FGF10: variants seen among roughly 807,000 people sequenced by gnomAD.
FGF10 encodes fibroblast growth factor 10.
Under a neutral mutation model 19.8 loss-of-function variants are expected in FGF10, and 2 were observed. The observed-to-expected ratio is 0.10, with a 90% confidence interval of 0.04 to 0.32. The LOEUF (loss-of-function observed/expected upper bound fraction) is 0.32. Among genes scored for constraint, FGF10 ranks in the 10% least tolerant of loss-of-function variants. The pLI is 1.00. For synonymous variants in FGF10, 112 were observed against 94.0 expected (o/e 1.19, Z -1.10); for missense variants, 191 against 246.3 (o/e 0.78, Z 1.50).
chr5:44,377,402 TTTAA>T (rs1741890535), intron 1 of FGF10, among the ~76,000 whole-genome samples: 1 of 152,206 alleles, frequency 6.6e-6, no homozygotes, highest in Admixed American at 6.5e-5. Context: ...AACTACCAAG[TTTAA>T]TAAGAACTAA....
chr5:44,357,541 G>C (rs2111842991), intron 1 of FGF10, among the ~76,000 whole-genome samples: 1 of 151,598 alleles, frequency 6.6e-6, no homozygotes, highest in South Asian at 2.1e-4. Flanking sequence ...GGTACAATTA[G>C]TATCCCTGTT....
chr5:44,308,721 G>A (rs1740142329), intron 2 of FGF10, among the ~76,000 whole-genome samples: 1 of 152,056 alleles, frequency 6.6e-6, no homozygotes. Context: ...TAGTCCCAGG[G>A]ACCAACTCAA....
chr5:44,321,424 TG>T (rs1377096738), intron 1 of FGF10, among the ~76,000 whole-genome samples: 1 of 152,204 alleles, frequency 6.6e-6, no homozygotes, highest in Non-Finnish European at 1.5e-5. Flanking sequence ...GCACTTTTGT[TG>T]GCAATCAACA....
chr5:44,348,731 A>G (rs553521351), intron 1 of FGF10, among the ~76,000 whole-genome samples: 1 of 151,748 alleles, frequency 6.6e-6, no homozygotes, highest in African/African-American at 2.4e-5. Flanking sequence ...ATTTATAAAA[A>G]GAATCTGTTA....
At chr5:44,363,855 T>C (rs1204255995) in intron 1 of FGF10, among the ~76,000 whole-genome samples, 4 of 151,890 alleles carry the variant, frequency 2.6e-5, no homozygotes, top group South Asian at 2.1e-4. Flanking sequence ...TTTTCCTTCA[T>C]AGTTGATATC....
At chr5:44,347,341 T>A (rs1741110666) in intron 1 of FGF10, among the ~76,000 whole-genome samples, 1 of 151,644 alleles carries the variant, frequency 6.6e-6, no homozygotes, top group African/African-American at 2.4e-5. Context: ...CCTAAAACAC[T>A]TTGGTTTTTA....
At chr5:44,328,757 G>A (rs1381139481) in intron 1 of FGF10, among the ~76,000 whole-genome samples, 3 of 152,132 alleles carry the variant, frequency 2.0e-5, no homozygotes, top group African/African-American at 7.2e-5. Context: ...GCAGCAACGT[G>A]GATGGAACAG....
chr5:44,351,767 A>G (rs1055920830), intron 1 of FGF10, among the ~76,000 whole-genome samples: 2 of 151,664 alleles, frequency 1.3e-5, no homozygotes, highest in Non-Finnish European at 3.0e-5. Context: ...ATAAATTTGG[A>G]GAGATGGAGT....
rs1430510411 is a variant in FGF10, at chr5:44,301,280, A to G, written c.*3715T>C. 6.6e-6 allele frequency among the ~76,000 whole-genome samples: 1 copy of G among 152,130 alleles called. No homozygotes were observed. On this transcript the variant is annotated 3_prime_UTR_variant, in exon 3 of 3. Coordinates refer to ENST00000264664, the MANE Select transcript of FGF10 (RefSeq NM_004465.2). ...AAGCTACATATATAACTTTATTTAG[A>G]CAAAGTTTGGACCAGCTGAACCCTT...
At chr5:44,334,228 A>C (rs925275250) in intron 1 of FGF10, among the ~76,000 whole-genome samples, 1 of 152,062 alleles carries the variant, frequency 6.6e-6, no homozygotes, top group Non-Finnish European at 1.5e-5. Flanking sequence ...CCTTATGTCC[A>C]CAACCTTAGG....
At chr5:44,342,564 A>C (rs1395233744) in intron 1 of FGF10, among the ~76,000 whole-genome samples, 1 of 151,778 alleles carries the variant, frequency 6.6e-6, no homozygotes, top group East Asian at 1.9e-4. Flanking sequence ...GTGTTTACTG[A>C]TTGCCACGTA....
chr5:44,373,853 C>T (rs1319563381), intron 1 of FGF10, among the ~76,000 whole-genome samples: 2 of 152,104 alleles, frequency 1.3e-5, no homozygotes, highest in East Asian at 1.9e-4. Context: ...GCTTCAAAAT[C>T]CATCCAGCTT....
chr5:44,318,341 T>C lies in FGF10; in HGVS notation c.326-7811A>G, dbSNP rs139803540. 2.5e-3 allele frequency among the ~76,000 whole-genome samples: 377 copies of C among 152,322 alleles called. 2 individuals carry two copies. The highest frequency in any genetic ancestry group is 8.6e-3 in the African/African-American group (359 of 41,584). ...TTCTGTATCAGAAAACATATTTCTA[T>C]ATAAAGTTTTATGTAGCAATTTATT... is the stretch of plus-strand genomic sequence containing the variant. On this transcript the variant is annotated intron_variant, in intron 1 of 2. Coordinates refer to ENST00000264664, the MANE Select transcript of FGF10 (RefSeq NM_004465.2).
intron 1 of FGF10, among the ~76,000 whole-genome samples, chr5:44,362,425 C>T (rs890243513): frequency 6.6e-6 from 1 of 151,384 alleles, no homozygotes; most frequent in Non-Finnish European, 1.5e-5. Flanking sequence ...TATTCTAGCA[C>T]TCACTGTAAT....
At chr5:44,372,867 G>C (rs989849938) in intron 1 of FGF10, among the ~76,000 whole-genome samples, 3 of 152,212 alleles carry the variant, frequency 2.0e-5, no homozygotes, top group Admixed American at 6.5e-5. Context: ...CTGGGAATCA[G>C]CCTCTGTGAC....
intron 2 of FGF10, 125 bp from the exon 3 acceptor site, chr5:44,305,317 G>A: frequency 1.3e-6 from 1 of 786,040 alleles, no homozygotes; most frequent in Non-Finnish European, 2.2e-6. Context: ...CCTAAGTTGT[G>A]CACTTAATAC....
chr5:44,323,647 C>G (rs538787219), intron 1 of FGF10, among the ~76,000 whole-genome samples: 95 of 152,228 alleles, frequency 6.2e-4, no homozygotes, highest in African/African-American at 2.2e-3. Flanking sequence ...TCATGAAACA[C>G]TTTTATTAAG....
chr5:44,362,402 T>C (rs1741510624), intron 1 of FGF10, among the ~76,000 whole-genome samples: 2 of 151,208 alleles, frequency 1.3e-5, no homozygotes, highest in South Asian at 4.2e-4. Context: ...TTTTTGTACC[T>C]CTGCTGCCCT....
chr5:44,352,980 G>A (rs1476324058), intron 1 of FGF10, among the ~76,000 whole-genome samples: 1 of 151,564 alleles, frequency 6.6e-6, no homozygotes, highest in Admixed American at 6.6e-5. Context: ...TAGAGAAAAT[G>A]TTTTGTAATT....
Sources: gnomAD v4.1 joint callset for allele counts (sites outside exome capture counted in the v4.1 genomes callset) on GRCh38, gnomAD v4.1.1 for gene constraint, MANE v1.5 for transcripts, NCBI Gene and HGNC (gene_info 2026-07-23, HGNC 2026-07-21) for gene names.